ROBO2: variants seen among roughly 807,000 people sequenced by gnomAD.
ROBO2 encodes the protein roundabout guidance receptor 2, also known as roundabout homolog 2.
In ROBO2, 53 loss-of-function variants were observed where a neutral mutation model predicts 160.8. The observed-to-expected ratio is 0.33, with a 90% CI of 0.26 to 0.41. The LOEUF is 0.41. Ranked by LOEUF, ROBO2 falls within the 10% of genes least tolerant of loss-of-function variation. ROBO2 has a pLI of 1.00. For synonymous variants in ROBO2, 664 were observed against 611.7 expected, an observed-to-expected ratio of 1.09 and a Z score of -1.26; for missense variants, 1,577 against 1,722.4, an observed-to-expected ratio of 0.92 and a Z score of 1.49.
intron 2 of ROBO2, among the ~76,000 whole-genome samples, chr3:76,694,234 T>C (rs1473956684): frequency 1.3e-5 from 2 of 152,178 alleles, no homozygotes; most frequent in African/African-American, 4.8e-5. Flanking sequence ...GCGTTTTTCT[T>C]TATTCCAAAT....
chr3:77,345,643 C>T (rs2067551542), intron 2 of ROBO2, among the ~76,000 whole-genome samples: 2 of 152,104 alleles, frequency 1.3e-5, no homozygotes, highest in African/African-American at 4.8e-5. Context: ...AGGGTACACA[C>T]TTATATAATG....
At chr3:76,537,489 A>C (rs76597116) in intron 2 of ROBO2, among the ~76,000 whole-genome samples, 3,535 of 151,750 alleles carry the variant, frequency 0.023, 137 homozygotes, top group African/African-American at 0.079. Flanking sequence ...GGAGAGAGAG[A>C]CTGAAGGGTA....
chr3:76,505,997 C>G (rs1277751969), intron 2 of ROBO2, among the ~76,000 whole-genome samples: 1 of 152,098 alleles, frequency 6.6e-6, no homozygotes, highest in South Asian at 2.1e-4. Context: ...TTTTGAAAAG[C>G]ACTGATGAAG....
chr3:77,325,988 A>C (rs796090355), intron 2 of ROBO2, among the ~76,000 whole-genome samples: 1 of 152,172 alleles, frequency 6.6e-6, no homozygotes, highest in Non-Finnish European at 1.5e-5. Flanking sequence ...TCTTTCCTTG[A>C]GCTGCCATTG....
chr3:77,148,644 CT>C (rs2077302537), intron 2 of ROBO2, among the ~76,000 whole-genome samples: 1 of 152,266 alleles, frequency 6.6e-6, no homozygotes, highest in South Asian at 2.1e-4. Context: ...AGCCAATTTT[CT>C]TTCCTAAAAA....
intron 19 of ROBO2, among the ~76,000 whole-genome samples, chr3:77,601,080 A>G (rs952339979): frequency 3.3e-5 from 5 of 152,168 alleles, no homozygotes; most frequent in Admixed American, 2.6e-4. Context: ...TACACTTGCT[A>G]AAGAAGACAA....
intron 2 of ROBO2, among the ~76,000 whole-genome samples, chr3:77,215,842 C>A (rs557663219): frequency 6.6e-6 from 1 of 152,294 alleles, no homozygotes; most frequent in East Asian, 1.9e-4. Context: ...TGCTGGAGGT[C>A]CACTCCAGAC....
intron 5 of ROBO2, among the ~76,000 whole-genome samples, chr3:77,495,993 G>A (rs1047552283): frequency 9.2e-5 from 14 of 152,146 alleles, no homozygotes; most frequent in African/African-American, 3.4e-4. Context: ...AAATTCATTT[G>A]CTTCAAAGTA....
intron 2 of ROBO2, among the ~76,000 whole-genome samples, chr3:77,017,370 A>G (rs1288106317): frequency 1.3e-5 from 2 of 152,230 alleles, no homozygotes; most frequent in African/African-American, 4.8e-5. Context: ...AGTAACATTG[A>G]TTTGTTAAAA....
At chr3:76,493,371 A>C (rs2079957794) in intron 2 of ROBO2, among the ~76,000 whole-genome samples, 1 of 144,586 alleles carries the variant, frequency 6.9e-6, no homozygotes, top group Non-Finnish European at 1.5e-5. Flanking sequence ...ATATAATTGT[A>C]TATACATGTA....
chr3:77,517,577 A>G (rs2090152156), intron 5 of ROBO2, among the ~76,000 whole-genome samples: 1 of 151,444 alleles, frequency 6.6e-6, no homozygotes, highest in South Asian at 2.1e-4. Context: ...TCCCTTTGAA[A>G]CCCTTACATA....
intron 2 of ROBO2, among the ~76,000 whole-genome samples, chr3:76,649,956 A>G (rs1659956762): frequency 6.6e-6 from 1 of 152,190 alleles, no homozygotes; most frequent in Non-Finnish European, 1.5e-5. Context: ...TTGAAGAGTT[A>G]TTTAAATCGT....
At chr3:77,252,236 C>T (rs2090431104) in intron 2 of ROBO2, among the ~76,000 whole-genome samples, 1 of 152,114 alleles carries the variant, frequency 6.6e-6, no homozygotes, top group South Asian at 2.1e-4. Flanking sequence ...CCAACACTTT[C>T]TTCCTCATTT....
intron 2 of ROBO2, among the ~76,000 whole-genome samples, chr3:76,657,473 C>T (rs907379076): frequency 6.6e-6 from 1 of 150,784 alleles, no homozygotes; most frequent in Admixed American, 6.6e-5. Flanking sequence ...TGGCCAGCTG[C>T]GGTGGCTCAC....
At chr3:76,715,616 G>A (rs566647261) in intron 2 of ROBO2, among the ~76,000 whole-genome samples, 13 of 152,206 alleles carry the variant, frequency 8.5e-5, no homozygotes, top group Non-Finnish European at 1.8e-4. Flanking sequence ...CATGTGGAAA[G>A]CATCTGATGT....
intron 2 of ROBO2, among the ~76,000 whole-genome samples, chr3:77,163,038 G>T (rs547467299): frequency 6.6e-5 from 10 of 151,968 alleles, no homozygotes; most frequent in Non-Finnish European, 7.4e-5. Flanking sequence ...GTTTCACCAC[G>T]TTGGCCAGGC....
chr3:76,120,464 A>AT (rs2070704983), intron 2 of ROBO2, among the ~76,000 whole-genome samples: 1 of 152,222 alleles, frequency 6.6e-6, no homozygotes, highest in African/African-American at 2.4e-5. Context: ...TTTAATAAAC[A>AT]TAACTGAGTT....
intron 2 of ROBO2, among the ~76,000 whole-genome samples, chr3:76,835,010 T>C (rs1330142196): frequency 6.6e-6 from 1 of 152,140 alleles, no homozygotes; most frequent in Non-Finnish European, 1.5e-5. Context: ...GCAAAAGGAA[T>C]TATATCTTAT....
intron 2 of ROBO2, among the ~76,000 whole-genome samples, chr3:76,850,075 T>C (rs1210894609): frequency 2.0e-5 from 3 of 152,080 alleles, no homozygotes; most frequent in Admixed American, 2.0e-4. Context: ...TAGTCCCAGC[T>C]ACTCAGGAGG....
Sources: gnomAD v4.1 joint callset for allele counts (sites outside exome capture counted in the v4.1 genomes callset) on GRCh38, gnomAD v4.1.1 for gene constraint, MANE v1.5 for transcripts, NCBI Gene and HGNC (gene_info 2026-07-23, HGNC 2026-07-21) for gene names.